The following CYP4X1 variants were observed in gnomAD, a reference collection of about 807,000 sequenced individuals.
The protein encoded by CYP4X1 is cytochrome P450 family 4 subfamily X member 1.
CYP4X1 carries 44 observed loss-of-function variants against 57.9 expected under a neutral mutation model. The observed-to-expected ratio is 0.76, with a 90% CI of 0.60 to 0.98. CYP4X1 has a LOEUF of 0.98. CYP4X1 is among the 50% of genes least tolerant of loss of function. The pLI is 0.00. For synonymous variants in CYP4X1, 227 were observed against 228.6 expected (o/e 0.99, Z 0.06); for missense variants, 532 against 623.9 (o/e 0.85, Z 1.57).
chr1:47,043,909 T>G (rs2148514421), intron 8 of CYP4X1, among the ~76,000 whole-genome samples: 1 of 152,340 alleles, frequency 6.6e-6, no homozygotes, highest in South Asian at 2.1e-4. Flanking sequence ...AAAGTTCAGC[T>G]ACCTTTGCTC....
chr1:47,027,466 C>G (rs1316605659), intron 1 of CYP4X1, among the ~76,000 whole-genome samples: 1 of 152,136 alleles, frequency 6.6e-6, no homozygotes, highest in Non-Finnish European at 1.5e-5. Context: ...GGGTATTCAT[C>G]ACTTCTAACA....
intron 8 of CYP4X1, among the ~76,000 whole-genome samples, chr1:47,045,804 A>G (rs911304434): frequency 2.6e-5 from 4 of 152,222 alleles, no homozygotes; most frequent in Non-Finnish European, 5.9e-5. Context: ...GAGGTGATTC[A>G]GGGGACAAGA....
rs751212408 is a variant in CYP4X1 at position 47,035,853 on chromosome 1, C to G, written c.540C>G (p.Val180=). 1 of 1,613,654 alleles carries G rather than the reference C, an allele frequency of 6.2e-7. No homozygotes were observed. Among genetic ancestry groups the G allele is most frequent in the South Asian group, 1.1e-5 (1 of 91,022 alleles). ...GCACTCAGGACACAAGCGTGGAGGT[C>G]TATGAGCACATCAACTCGATGTCTC... is the stretch of plus-strand genomic sequence containing the variant. The part of the protein sequence containing the change: ...ICSTQDTSVE[V]YEHINSMSLD... The change falls in exon 5 of 12, where the codon GTC becomes GTG. Residue 180 remains valine (V), a synonymous_variant. Coordinates refer to ENST00000371901, the MANE Select transcript of CYP4X1 (RefSeq NM_178033.2).
upstream of CYP4X1, among the ~76,000 whole-genome samples, chr1:47,022,041 T>C (rs1047058772): frequency 3.3e-5 from 5 of 152,106 alleles, no homozygotes; most frequent in African/African-American, 1.2e-4. Flanking sequence ...GGGGGAGGAA[T>C]AGGGCATAGA....
At chr1:46,973,831 G>C in the CYP4X1 span, among the ~76,000 whole-genome samples, 165 of 152,016 alleles carry the variant, frequency 1.1e-3, no homozygotes, top group African/African-American at 3.8e-3. Context: ...TATTAATCTA[G>C]CTGGTGGTCA....
the CYP4X1 span, among the ~76,000 whole-genome samples, chr1:46,968,440 C>G: frequency 6.6e-6 from 1 of 152,152 alleles, no homozygotes; most frequent in East Asian, 1.9e-4. Context: ...GGACTGTTGC[C>G]TCGCCCACCT....
intron 8 of CYP4X1, among the ~76,000 whole-genome samples, chr1:47,042,137 GTC>G (rs1412311161): frequency 6.6e-6 from 1 of 151,960 alleles, no homozygotes; most frequent in East Asian, 1.9e-4. Flanking sequence ...TAGTTTATAT[GTC>G]TCTTTTTTTA....
At chr1:46,999,289 G>A in the CYP4X1 span, among the ~76,000 whole-genome samples, 24 of 152,088 alleles carry the variant, frequency 1.6e-4, no homozygotes, top group Non-Finnish European at 7.4e-5. Flanking sequence ...TGTCTTCCTG[G>A]TTCAATCTTG....
At chr1:47,007,899 G>T in the CYP4X1 span, among the ~76,000 whole-genome samples, 1 of 152,166 alleles carries the variant, frequency 6.6e-6, no homozygotes, top group Non-Finnish European at 1.5e-5. Context: ...AATGAACAAA[G>T]CCTCCAAGAA....
At chr1:46,993,449 G>C in the CYP4X1 span, among the ~76,000 whole-genome samples, 2 of 152,198 alleles carry the variant, frequency 1.3e-5, no homozygotes, top group East Asian at 3.8e-4. Flanking sequence ...TATATACCCA[G>C]TAATGGGATG....
the CYP4X1 span, among the ~76,000 whole-genome samples, chr1:47,006,791 G>A: frequency 3.9e-5 from 6 of 152,296 alleles, no homozygotes; most frequent in East Asian, 3.9e-4. Flanking sequence ...TATATCCTGC[G>A]ACTGGCTTGG....
chr1:47,042,637 G>C (rs930287490), intron 8 of CYP4X1, among the ~76,000 whole-genome samples: 1 of 152,036 alleles, frequency 6.6e-6, no homozygotes, highest in African/African-American at 2.4e-5. Flanking sequence ...AGTCCCCAAA[G>C]TCCATTGTAT....
the CYP4X1 span, among the ~76,000 whole-genome samples, chr1:47,003,413 C>T: frequency 6.6e-6 from 1 of 152,140 alleles, no homozygotes; most frequent in African/African-American, 2.4e-5. Context: ...AACCACAGGT[C>T]CCTGCAATTT....
intron 10 of CYP4X1, 38 bp from the exon 11 acceptor site, chr1:47,049,384 G>T (rs1166909711): frequency 1.2e-5 from 18 of 1,521,784 alleles, no homozygotes; most frequent in Non-Finnish European, 1.5e-5. Flanking sequence ...TGTTCATGTT[G>T]TTTGGGGGAT....
chr1:47,034,813 C>T (rs543483661), intron 4 of CYP4X1, among the ~76,000 whole-genome samples: 1 of 152,054 alleles, frequency 6.6e-6, no homozygotes, highest in African/African-American at 2.4e-5. Flanking sequence ...GCGCTTCCTC[C>T]CCTCCTCATT....
the CYP4X1 span, among the ~76,000 whole-genome samples, chr1:47,003,791 A>G: frequency 5.3e-5 from 8 of 152,164 alleles, no homozygotes; most frequent in African/African-American, 1.9e-4. Context: ...ACCTCCAACA[A>G]TAGGATATTT....
the CYP4X1 span, chr1:46,994,550 GC>G: frequency 6.4e-6 from 1 of 156,738 alleles, no homozygotes; most frequent in Non-Finnish European, 1.5e-5. Context: ...GTCCCTGACT[GC>G]CCCTGACTAT....
At chr1:47,011,629 G>T in the CYP4X1 span, among the ~76,000 whole-genome samples, 1 of 152,130 alleles carries the variant, frequency 6.6e-6, no homozygotes, top group African/African-American at 2.4e-5. Context: ...GCAACCTACA[G>T]AATGGGAAAA....
At chr1:46,970,257 G>C in the CYP4X1 span, among the ~76,000 whole-genome samples, 2 of 152,166 alleles carry the variant, frequency 1.3e-5, no homozygotes, top group African/African-American at 4.8e-5. Flanking sequence ...AAAACACTAG[G>C]ATACAGTGAA....
Sources: gnomAD v4.1 joint callset for allele counts (sites outside exome capture counted in the v4.1 genomes callset) on GRCh38, gnomAD v4.1.1 for gene constraint, MANE v1.5 for transcripts, NCBI Gene and HGNC (gene_info 2026-07-23, HGNC 2026-07-21) for gene names.